Variants in MYO18B observed in about 807,000 individuals in gnomAD.
MYO18B encodes the protein unconventional myosin-XVIIIb.
Under a neutral mutation model 273.0 loss-of-function variants are expected in MYO18B, and 204 were observed. That is an observed-to-expected ratio of 0.75 (90% confidence interval 0.67 to 0.84). MYO18B has a LOEUF of 0.84. Ranked by LOEUF, MYO18B falls within the 40% of genes least tolerant of loss-of-function variation. MYO18B has a pLI of 0.00. For synonymous variants in MYO18B, 1,330 were observed against 1,305.7 expected, an observed-to-expected ratio of 1.02 and a Z score of -0.40; for missense variants, 3,212 against 3,287.6, an observed-to-expected ratio of 0.98 and a Z score of 0.56.
intron 40 of MYO18B, among the ~76,000 whole-genome samples, chr22:25,996,061 A>G (rs1278894534): frequency 1.3e-5 from 2 of 152,248 alleles, no homozygotes; most frequent in Non-Finnish European, 2.9e-5. Context: ...TGGGAAGTCA[A>G]GGAAGAATTT....
intron 40 of MYO18B, among the ~76,000 whole-genome samples, chr22:26,000,393 C>G (rs1271728347): frequency 6.6e-6 from 1 of 152,036 alleles, no homozygotes; most frequent in Non-Finnish European, 1.5e-5. Context: ...CCCTTGGTAC[C>G]CACACTTTAC....
chr22:25,965,012 T>C (rs2146702772), intron 39 of MYO18B: 1 of 152,324 alleles, frequency 6.6e-6, no homozygotes. Flanking sequence ...TGAGTGGAAT[T>C]GAAGGCCTTG....
At chr22:25,840,454 T>C (rs2090050412) in intron 17 of MYO18B, among the ~76,000 whole-genome samples, 1 of 152,204 alleles carries the variant, frequency 6.6e-6, no homozygotes, top group Admixed American at 6.5e-5. Context: ...CCCTGGTTTT[T>C]CTCTTCCCCA....
intron 29 of MYO18B, chr22:25,901,385 G>C (rs1027362396): frequency 6.6e-6 from 1 of 152,198 alleles, no homozygotes; most frequent in Non-Finnish European, 1.5e-5. Context: ...TTCTCTATCG[G>C]TTTCCTCACC....
intron 34 of MYO18B, among the ~76,000 whole-genome samples, chr22:25,945,224 A>T (rs970830848): frequency 6.6e-6 from 1 of 152,250 alleles, no homozygotes; most frequent in Middle Eastern, 3.4e-3. Context: ...CCTGGTTAAG[A>T]AACTTCCACT....
chr22:25,955,282 A>G lies in MYO18B; in HGVS notation c.6074A>G (p.Gln2025Arg). ...SQQRESSQYY[Q>R]RRLEELKADM... The stretch of plus-strand genomic sequence containing the variant: ...CAGCGGGAGAGCAGCCAGTACTACC[A>G]GCGGCGCCTGGAAGAGCTGAAGGCC... The change falls in exon 39 of 44, where the codon CAG becomes CGG. Residue 2025 changes from glutamine to arginine, a missense_variant. Coordinates refer to ENST00000335473, the MANE Select transcript of MYO18B (RefSeq NM_032608.7). 4 of 1,613,744 alleles carry G rather than the reference A, an allele frequency of 2.5e-6. No individual in the cohort carries two copies. Among genetic ancestry groups the G allele is most frequent in the Non-Finnish European group, 2.5e-6 (3 of 1,179,838 alleles).
In MYO18B at chr22:25,835,500, GTTC is replaced by G. The variant is rs997040512; in HGVS notation, c.3208+62_3208+64del. 33 of 1,604,382 alleles carry G rather than the reference GTTC, an allele frequency of 2.1e-5. No homozygotes were observed. In the African/African-American group the frequency reaches 2.4e-4, roughly 12 times the overall value. ...GAGTCCAGCCTGGGTATTAGAATCTGTTCTTCTCTGCTGCAGGGAAAGCCCTGA... is the reference window on the plus strand; with the variant it reads ...GAGTCCAGCCTGGGTATTAGAATCTGTTCTCTGCTGCAGGGAAAGCCCTGA... On this transcript the variant is annotated intron_variant, in intron 17 of 43. Transcript: ENST00000335473.
chr22:25,784,825 C>T (rs976994789), intron 10 of MYO18B, among the ~76,000 whole-genome samples: 5 of 152,184 alleles, frequency 3.3e-5, no homozygotes, highest in Non-Finnish European at 5.9e-5. Flanking sequence ...AGGTTGAACA[C>T]GGGAAGGAGC....
At chr22:25,983,186 TAGTG>T (rs1315062735) in intron 39 of MYO18B, 2 of 152,010 alleles carry the variant, frequency 1.3e-5, no homozygotes, top group Non-Finnish European at 2.9e-5. Flanking sequence ...CAGGGCAACA[TAGTG>T]AGACCCCATC....
In MYO18B at chr22:26,003,260, A is replaced by T; in HGVS notation, c.6288-5A>T. On this transcript the variant is annotated splice_region_variant and splice_polypyrimidine_tract_variant and intron_variant, in intron 40 of 43. Transcript: ENST00000335473. ...TAACACACTCTTTCTTGTGCCTCTT[A>T]CTAGTGTCCAGACGGCAGTGGATTG... 1 of 1,607,872 alleles carries T rather than the reference A, an allele frequency of 6.2e-7. No homozygotes were observed. The highest frequency in any genetic ancestry group is 1.7e-4 in the Middle Eastern group (1 of 6,054).
At chr22:25,997,978 C>CACACGA (rs34431605) in intron 40 of MYO18B, among the ~76,000 whole-genome samples, 5 of 144,550 alleles carry the variant, frequency 3.5e-5, no homozygotes, top group African/African-American at 1.1e-4. Context: ...CACACACACA[C>CACACGA]GAGAGAGAGA....
intron 17 of MYO18B, among the ~76,000 whole-genome samples, chr22:25,839,352 G>A (rs1418929716): frequency 1.3e-5 from 2 of 152,174 alleles, no homozygotes; most frequent in Admixed American, 1.3e-4. Flanking sequence ...GTTGTGCTGC[G>A]GCCCTGGCCG....
intron 7 of MYO18B, among the ~76,000 whole-genome samples, chr22:25,775,251 C>G (rs1219168305): frequency 6.6e-6 from 1 of 152,194 alleles, no homozygotes; most frequent in East Asian, 1.9e-4. Context: ...CTGCTGAGCC[C>G]TACATCTGGC....
intron 1 of MYO18B, among the ~76,000 whole-genome samples, chr22:25,744,236 T>C (rs1200653730): frequency 6.6e-6 from 1 of 152,124 alleles, no homozygotes; most frequent in Non-Finnish European, 1.5e-5. Flanking sequence ...AGACTTTCTA[T>C]GGCATTTTGA....
intron 34 of MYO18B, among the ~76,000 whole-genome samples, chr22:25,941,396 C>T (rs953580528): frequency 3.9e-5 from 6 of 152,186 alleles, no homozygotes; most frequent in East Asian, 1.9e-4. Context: ...TCTTCCCTGT[C>T]GCCTGTCAAC....
At chr22:25,816,658 A>G (rs2089024996) in intron 12 of MYO18B, among the ~76,000 whole-genome samples, 2 of 152,100 alleles carry the variant, frequency 1.3e-5, no homozygotes, top group African/African-American at 4.8e-5. Context: ...CTTCACAAGC[A>G]CTCCATGGAG....
intron 22 of MYO18B, among the ~76,000 whole-genome samples, chr22:25,874,063 G>T (rs144840513): frequency 6.6e-6 from 1 of 152,328 alleles, no homozygotes; most frequent in East Asian, 1.9e-4. Context: ...CCACTGGTGC[G>T]TGGGCCACAC....
At chr22:26,017,025 T>TTTCCTTCCTTCCTTCCTTCC (rs59617056) in intron 42 of MYO18B, among the ~76,000 whole-genome samples, 9 of 124,240 alleles carry the variant, frequency 7.2e-5, no homozygotes, top group South Asian at 2.9e-4. Context: ...ATTAGGCTAA[T>TTTCCTTCCTTCCTTCCTTCC]TTCCTTCCTT....
intron 17 of MYO18B, among the ~76,000 whole-genome samples, chr22:25,838,510 A>G (rs966299484): frequency 1.3e-5 from 2 of 152,232 alleles, no homozygotes; most frequent in African/African-American, 4.8e-5. Context: ...GCAGTGTTTC[A>G]GGCAACGGAC....
Sources: allele counts gnomAD v4.1 joint callset (sites outside exome capture counted in the v4.1 genomes callset), GRCh38; gene constraint gnomAD v4.1.1; transcripts MANE v1.5; gene names NCBI Gene and HGNC (gene_info 2026-07-23, HGNC 2026-07-21).